Variants in PSEN2 observed in about 807,000 individuals in gnomAD.
PSEN2 encodes the protein presenilin 2, also known as presenilin-2.
PSEN2 carries 32 observed loss-of-function variants against 49.1 expected under a neutral mutation model. That is an observed-to-expected ratio of 0.65 (90% CI 0.49 to 0.88). PSEN2 has a LOEUF of 0.88. Among genes scored for constraint, PSEN2 ranks in the 40% least tolerant of loss-of-function variants. PSEN2 has a pLI of 0.00. For synonymous variants in PSEN2, 255 were observed against 244.0 expected (o/e 1.05, Z -0.42); for missense variants, 522 against 586.9 (o/e 0.89, Z 1.14).
In PSEN2 at chr1:226,882,030, A is replaced by G; in HGVS notation, c.123A>G (p.Gly41=). The G allele has an allele frequency of 6.2e-7, 1 of 1,614,112 alleles. No homozygotes were observed. Among genetic ancestry groups the G allele is most frequent in the Non-Finnish European group, 8.5e-7 (1 of 1,180,046 alleles). ...CQEGRQGPED[G]ENTAQWRSQE... ...AGGGCAGGCAGGGCCCAGAGGATGGAGAGAACACTGCCCAGTGGGTAGGTC... is the reference window on the plus strand; with the variant it reads ...AGGGCAGGCAGGGCCCAGAGGATGGGGAGAACACTGCCCAGTGGGTAGGTC... The change falls in exon 4 of 13, where the codon GGA becomes GGG. Residue 41 remains glycine (G), a synonymous_variant. Coordinates refer to ENST00000366783, the MANE Select transcript of PSEN2 (RefSeq NM_000447.3).
chr1:226,899,885 T>C (rs1662256751), downstream of PSEN2, among the ~76,000 whole-genome samples: 1 of 152,226 alleles, frequency 6.6e-6, no homozygotes, highest in Non-Finnish European at 1.5e-5. Flanking sequence ...CTTAAAAACA[T>C]GTCTCAAAGT....
chr1:226,883,969 A>AGG, intron 5 of PSEN2, 50 bp downstream of exon 5: 1 of 77,156 alleles, frequency 1.3e-5, no homozygotes, highest in Admixed American at 2.8e-4. Context: ...CTGAGTTGCC[A>AGG]GGGGGTGGGG....
At chr1:226,890,381 G>A (rs1254378854) in intron 9 of PSEN2, among the ~76,000 whole-genome samples, 1 of 152,216 alleles carries the variant, frequency 6.6e-6, no homozygotes, top group African/African-American at 2.4e-5. Flanking sequence ...ATCCTCCAGC[G>A]GCATGCTGCG....
rs1163620977 is a variant in PSEN2 at position 226,888,927 on chromosome 1, A to G, written c.665A>G (p.Lys222Arg). The G allele has an allele frequency of 6.2e-7, 1 of 1,614,172 alleles. No homozygotes were observed. The highest frequency in any genetic ancestry group is 8.5e-7 in the Non-Finnish European group (1 of 1,180,034). Reference protein sequence around the residue: ...GAVGMVCIHWKGPLVLQQAYL... With the variant: ...GAVGMVCIHWRGPLVLQQAYL... ...GTGGGCATGGTGTGCATCCACTGGA[A>G]GGGCCCTCTGGTGCTGCAGCAGGCC... Residue 222 changes from lysine to arginine, a missense_variant, in exon 8 of 13, where the codon AAG (lysine) becomes AGG (arginine). Coordinates refer to ENST00000366783, the MANE Select transcript of PSEN2 (RefSeq NM_000447.3).
At position 226,895,552 on chromosome 1, in the gene PSEN2, C is replaced by T. The variant is rs1662092072; in HGVS notation, c.1320C>T (p.Thr440=). ...TDNLVRPFMD[T]LASHQLYI ...ACCTGGTGCGGCCGTTCATGGACAC[C>T]CTGGCCTCCCATCAGCTCTACATCT... Residue 440 remains threonine (T), a synonymous_variant, in exon 13 of 13, where the codon ACC becomes ACT. Coordinates refer to ENST00000366783, the MANE Select transcript of PSEN2 (RefSeq NM_000447.3). 1 of 1,613,284 alleles carries T rather than the reference C, an allele frequency of 6.2e-7. No individual in the cohort carries two copies. The highest frequency in any genetic ancestry group is 1.6e-4 in the Middle Eastern group (1 of 6,082).
intron 6 of PSEN2, among the ~76,000 whole-genome samples, chr1:226,887,651 C>A (rs995521078): frequency 3.3e-5 from 5 of 152,166 alleles, no homozygotes; most frequent in Non-Finnish European, 5.9e-5. Context: ...ACATTATTTT[C>A]TCCATGGCCC....
chr1:226,898,038 C>CCT (rs1299002013), downstream of PSEN2: 1 of 152,272 alleles, frequency 6.6e-6, no homozygotes, highest in Non-Finnish European at 1.5e-5. Flanking sequence ...CTCACTGCAA[C>CCT]CTCTGCCTCC....
intron 11 of PSEN2, among the ~76,000 whole-genome samples, chr1:226,892,389 G>C (rs941076967): frequency 6.6e-6 from 1 of 152,180 alleles, no homozygotes; most frequent in South Asian, 2.1e-4. Context: ...AGAAGTGTGG[G>C]AGAGCCTTGC....
At chr1:226,882,073 C>T in intron 4 of PSEN2, 25 bp downstream of exon 4, 5 of 1,613,194 alleles carry the variant, frequency 3.1e-6, no homozygotes, top group Non-Finnish European at 4.2e-6. Flanking sequence ...CAGCTGGGGG[C>T]CTTCAAACAG....
chr1:226,893,418 AT>A (rs1661893340), intron 11 of PSEN2, among the ~76,000 whole-genome samples: 1 of 152,188 alleles, frequency 6.6e-6, no homozygotes, highest in South Asian at 2.1e-4. Context: ...TTGCATAACC[AT>A]TTTTATTGTC....
chr1:226,871,167 G>C (rs1389816141), intron 1 of PSEN2, 95 bp from the exon 2 acceptor site: 2 of 151,694 alleles, frequency 1.3e-5, no homozygotes, highest in Non-Finnish European at 2.9e-5. Flanking sequence ...CGGGAAGGAG[G>C]CGCGCGGGGG....
At chr1:226,890,492 G>A (rs1287244270) in intron 9 of PSEN2, 2 of 332,648 alleles carry the variant, frequency 6.0e-6, no homozygotes, top group South Asian at 2.7e-5. Context: ...GGGTCGGGGA[G>A]CAAGGAGCTT....
chr1:226,880,596 G>C, intron 3 of PSEN2: 1 of 1,611,282 alleles, frequency 6.2e-7, no homozygotes, highest in Non-Finnish European at 8.5e-7. Context: ...TCTGGACAGC[G>C]ATCACTCAGC....
intron 8 of PSEN2, 103 bp from the exon 9 acceptor site, chr1:226,889,932 G>A: frequency 1.1e-6 from 1 of 908,524 alleles, no homozygotes. Flanking sequence ...CAGAGGCAAG[G>A]CATGCTCTGA....
At chr1:226,885,758 C>T (rs1045136118) in intron 6 of PSEN2, 79 bp downstream of exon 6, 16 of 1,569,076 alleles carry the variant, frequency 1.0e-5, no homozygotes, top group Non-Finnish European at 1.1e-5. Flanking sequence ...GTGAAACAGC[C>T]GCCTTTAGAA....
intron 2 of PSEN2, among the ~76,000 whole-genome samples, 159 bp from the exon 3 acceptor site, chr1:226,875,206 C>T (rs1233248093): frequency 3.9e-5 from 6 of 152,300 alleles, no homozygotes; most frequent in Admixed American, 1.3e-4. Flanking sequence ...GGAGAACCAT[C>T]CCCAAGTGGT....
Position 226,895,757 on chromosome 1 carries a change from C to T in PSEN2, c.*178C>T. 1 of 750,054 alleles carries T rather than the reference C, an allele frequency of 1.3e-6. No individual in the cohort carries two copies. The highest frequency in any genetic ancestry group is 1.9e-5 in the South Asian group (1 of 53,984). The allele number at this position is 750,054 out of a possible 1,614,324, so 46.5% of individuals were successfully genotyped here. On this transcript the variant is annotated 3_prime_UTR_variant, in exon 13 of 13. Coordinates refer to ENST00000366783, the MANE Select transcript of PSEN2 (RefSeq NM_000447.3). Reference sequence around the variant, plus strand: ...TCTTTGGTGCCAGCTGTTTCATCACCAGACTTTGGCTCCCGCTTTGGGGAG... The same window carrying T: ...TCTTTGGTGCCAGCTGTTTCATCACTAGACTTTGGCTCCCGCTTTGGGGAG...
intron 5 of PSEN2, among the ~76,000 whole-genome samples, chr1:226,885,118 T>C (rs550374916): frequency 6.6e-6 from 1 of 152,042 alleles, no homozygotes; most frequent in South Asian, 2.1e-4. Context: ...AGGACAGCAG[T>C]TGCTTCAGCG....
chr1:226,876,181 T>C (rs1660618888), intron 3 of PSEN2, among the ~76,000 whole-genome samples: 1 of 152,178 alleles, frequency 6.6e-6, no homozygotes, highest in African/African-American at 2.4e-5. Flanking sequence ...CAGTGTTGTT[T>C]ATCTGCACAC....
Sources: gnomAD v4.1 joint callset for allele counts (sites outside exome capture counted in the v4.1 genomes callset) on GRCh38, gnomAD v4.1.1 for gene constraint, MANE v1.5 for transcripts, NCBI Gene and HGNC (gene_info 2026-07-23, HGNC 2026-07-21) for gene names.